Variants in GHR observed in about 807,000 individuals in gnomAD.
The protein encoded by GHR is growth hormone receptor, also known as GH receptor.
A neutral mutation model predicts 67.1 loss-of-function variants in GHR; 35 were observed. The observed-to-expected ratio is 0.52, with a 90% confidence interval of 0.40 to 0.69. The LOEUF is 0.69. Ranked by LOEUF, GHR falls within the 30% of genes least tolerant of loss-of-function variation. The pLI, the probability that GHR is intolerant of heterozygous loss-of-function variation, is 0.00. For missense variants in GHR, 792 were observed against 764.6 expected (o/e 1.04, Z -0.42); for synonymous variants, 272 against 269.1 (o/e 1.01, Z -0.10).
In GHR at chr5:42,713,316, G is replaced by A; in HGVS notation, c.785-113G>A. ...TCAGTGGTTATCAAGAGAAATCACT[G>A]ACTTTATTAGATGAATACAAATTAT... On this transcript the variant is annotated intron_variant, in intron 7 of 9. Coordinates refer to ENST00000230882, the MANE Select transcript of GHR (RefSeq NM_000163.5). 3 of 690,728 alleles carry A rather than the reference G, an allele frequency of 4.3e-6. No individual in the cohort carries two copies. In the Admixed American group the frequency reaches 6.0e-5, roughly 14 times the overall value. The allele number at this position is 690,728 out of a possible 1,614,324, so 42.8% of individuals were successfully genotyped here.
intron 1 of GHR, among the ~76,000 whole-genome samples, chr5:42,429,877 G>A (rs1743015996): frequency 6.6e-6 from 1 of 152,160 alleles, no homozygotes. Flanking sequence ...GTCAGTACTA[G>A]CAATCAGGCA....
chr5:42,692,098 G>T (rs1228361225), intron 4 of GHR, among the ~76,000 whole-genome samples: 3 of 152,114 alleles, frequency 2.0e-5, no homozygotes, highest in African/African-American at 2.4e-5. Context: ...TCTATACAAG[G>T]TTGTGTGGAA....
intron 2 of GHR, among the ~76,000 whole-genome samples, chr5:42,590,893 T>A (rs1430533452): frequency 1.3e-5 from 2 of 152,230 alleles, no homozygotes; most frequent in African/African-American, 2.4e-5. Context: ...TGCAATTGTT[T>A]CAGGGACTAC....
At chr5:42,531,427 T>G (rs2112340912) in intron 1 of GHR, among the ~76,000 whole-genome samples, 1 of 152,000 alleles carries the variant, frequency 6.6e-6, no homozygotes, top group Admixed American at 6.5e-5. Context: ...TTTGAGACAG[T>G]GAATGGGGCT....
chr5:42,600,413 A>G (rs1390491515), intron 2 of GHR, among the ~76,000 whole-genome samples: 1 of 152,176 alleles, frequency 6.6e-6, no homozygotes, highest in Non-Finnish European at 1.5e-5. Flanking sequence ...GCCCTTTTAT[A>G]TTTGTTTCCC....
At chr5:42,518,158 T>G (rs1747323616) in intron 1 of GHR, among the ~76,000 whole-genome samples, 1 of 148,768 alleles carries the variant, frequency 6.7e-6, no homozygotes, top group Non-Finnish European at 1.5e-5. Flanking sequence ...TATTATATAA[T>G]ATAGTATATA....
intron 3 of GHR, among the ~76,000 whole-genome samples, chr5:42,633,034 T>A (rs1257197012): frequency 6.6e-6 from 1 of 152,218 alleles, no homozygotes; most frequent in African/African-American, 2.4e-5. Context: ...CTGTCATGAT[T>A]ATTTATTGGC....
At chr5:42,629,135 T>C in intron 3 of GHR, 32 bp downstream of exon 3, 1 of 1,085,118 alleles carries the variant, frequency 9.2e-7, no homozygotes, top group Non-Finnish European at 1.4e-6. Flanking sequence ...CTTCCTTCAA[T>C]GATATTTTCC....
chr5:42,441,172 G>T (rs1433742249), intron 1 of GHR, among the ~76,000 whole-genome samples: 2 of 152,156 alleles, frequency 1.3e-5, no homozygotes, highest in Non-Finnish European at 2.9e-5. Flanking sequence ...AACATTTAAA[G>T]GCCAAGTGGA....
chr5:42,471,103 C>T (rs1744993353), intron 1 of GHR, among the ~76,000 whole-genome samples: 1 of 152,194 alleles, frequency 6.6e-6, no homozygotes, highest in Admixed American at 6.5e-5. Flanking sequence ...TGGGCCAGCA[C>T]TAAGCTGGAA....
intron 1 of GHR, among the ~76,000 whole-genome samples, chr5:42,453,533 A>G (rs1350395541): frequency 2.0e-5 from 3 of 152,192 alleles, no homozygotes; most frequent in Admixed American, 6.5e-5. Flanking sequence ...CTCCCCTGCC[A>G]AGTCAGAAAG....
At chr5:42,505,284 T>C (rs1043105170) in intron 1 of GHR, among the ~76,000 whole-genome samples, 1 of 152,128 alleles carries the variant, frequency 6.6e-6, no homozygotes, top group African/African-American at 2.4e-5. Context: ...GAATTTCTGT[T>C]TGAGCCCAGT....
chr5:42,503,954 G>A (rs1023908471), intron 1 of GHR, among the ~76,000 whole-genome samples: 32 of 152,162 alleles, frequency 2.1e-4, no homozygotes, highest in Admixed American at 1.6e-3. Flanking sequence ...TAAAAGAAAA[G>A]AGGGGAGCTT....
chr5:42,630,257 T>TA (rs1753874918), intron 3 of GHR, among the ~76,000 whole-genome samples: 1 of 132,188 alleles, frequency 7.6e-6, no homozygotes, highest in Non-Finnish European at 1.6e-5. Flanking sequence ...TTACATCTCC[T>TA]AAAAAAATTC....
intron 1 of GHR, among the ~76,000 whole-genome samples, chr5:42,474,836 T>C (rs1579771434): frequency 6.6e-6 from 1 of 151,840 alleles, no homozygotes; most frequent in South Asian, 2.1e-4. Context: ...CCTTGATTTT[T>C]AACTATTTAA....
chr5:42,632,905 A>G (rs1754000021), intron 3 of GHR, among the ~76,000 whole-genome samples: 1 of 152,236 alleles, frequency 6.6e-6, no homozygotes, highest in African/African-American at 2.4e-5. Flanking sequence ...GAAGAATAGG[A>G]AGAGTTACAA....
At chr5:42,555,405 CTCTG>C (rs1749255052) in intron 1 of GHR, among the ~76,000 whole-genome samples, 1 of 152,166 alleles carries the variant, frequency 6.6e-6, no homozygotes, top group Non-Finnish European at 1.5e-5. Context: ...CCAAATATTA[CTCTG>C]TCTTTTTCTT....
In GHR at chr5:42,595,061, A is replaced by G. The variant is rs374402825; in HGVS notation, c.70+29117A>G. 2.6e-5 allele frequency among the ~76,000 whole-genome samples: 4 copies of G among 152,212 alleles called. No homozygotes were observed. The East Asian group carries it at 5.8e-4, about 22-fold the overall frequency. Reference sequence around the variant, plus strand: ...GGCCCAACATAAATACTAATAGATGATGCTAAATTCTGGCTTCACAGTGCT... The same window carrying G: ...GGCCCAACATAAATACTAATAGATGGTGCTAAATTCTGGCTTCACAGTGCT... On this transcript the variant is annotated intron_variant, in intron 2 of 9. Coordinates refer to ENST00000230882, the MANE Select transcript of GHR (RefSeq NM_000163.5).
rs1361822427 is a variant in GHR, at chr5:42,688,904, C to T, written c.151C>T (p.Pro51Ser). 1 of 1,613,742 alleles carries T rather than the reference C, an allele frequency of 6.2e-7. No homozygotes were observed. The highest frequency in any genetic ancestry group is 8.5e-7 in the Non-Finnish European group (1 of 1,179,714). ...PGLKTNSSKE[P>S]KFTKCRSPER... ...TTATTCTGCAGATTCTTCTAAGGAG[C>T]CTAAATTCACCAAGTGCCGTTCACC... The change falls in exon 4 of 10, where the codon CCT becomes TCT. Residue 51 changes from proline to serine, a missense_variant. Pro to Ser is a moderately conservative substitution (Grantham distance 74). Transcript: ENST00000230882.
Sources: allele counts gnomAD v4.1 joint callset (sites outside exome capture counted in the v4.1 genomes callset), GRCh38; gene constraint gnomAD v4.1.1; transcripts MANE v1.5; gene names NCBI Gene and HGNC (gene_info 2026-07-23, HGNC 2026-07-21).